Variants in NELL1 observed in about 807,000 individuals in gnomAD.
NELL1 encodes neural EGFL like 1.
NELL1 carries 76 observed loss-of-function variants against 107.4 expected under a neutral mutation model. The ratio of observed to expected loss-of-function variants is 0.71; its 90% CI spans 0.59 to 0.86. The LOEUF (loss-of-function observed/expected upper bound fraction) is 0.86, where lower values mean the gene tolerates loss of function less well. Among genes scored for constraint, NELL1 ranks in the 40% least tolerant of loss-of-function variants. The pLI is 0.00. For missense variants in NELL1, 1,024 were observed against 1,005.5 expected, an observed-to-expected ratio of 1.02 and a Z score of -0.25; for synonymous variants, 353 against 341.2, an observed-to-expected ratio of 1.03 and a Z score of -0.38.
intron 5 of NELL1, among the ~76,000 whole-genome samples, chr11:20,913,042 C>T (rs1217056823): frequency 6.6e-6 from 1 of 152,066 alleles, no homozygotes; most frequent in Non-Finnish European, 1.5e-5. Flanking sequence ...TCTTTCTTGG[C>T]GGTTTTGCAT....
intron 2 of NELL1, among the ~76,000 whole-genome samples, chr11:20,737,504 AG>A (rs1855789503): frequency 6.6e-6 from 1 of 152,104 alleles, no homozygotes; most frequent in Non-Finnish European, 1.5e-5. Context: ...ACCCTGAGTC[AG>A]TTTTTTTAAT....
chr11:21,563,320 G>A (rs1196195993), intron 17 of NELL1, among the ~76,000 whole-genome samples: 1 of 152,020 alleles, frequency 6.6e-6, no homozygotes, highest in Non-Finnish European at 1.5e-5. Flanking sequence ...AGGAAATGTA[G>A]TATTTTAGTG....
chr11:20,884,303 G>T (rs1233722539), intron 4 of NELL1, among the ~76,000 whole-genome samples: 1 of 152,188 alleles, frequency 6.6e-6, no homozygotes, highest in Non-Finnish European at 1.5e-5. Context: ...GGAATACATC[G>T]CCCTCTGGCA....
intron 2 of NELL1, among the ~76,000 whole-genome samples, chr11:20,692,437 C>T (rs1854492933): frequency 6.6e-6 from 1 of 151,598 alleles, no homozygotes; most frequent in African/African-American, 2.4e-5. Flanking sequence ...CTATAAATTT[C>T]CCTCTCCACA....
At chr11:20,674,392 A>C in intron 1 of NELL1, 1 of 916,678 alleles carries the variant, frequency 1.1e-6, no homozygotes, top group Non-Finnish European at 1.7e-6. Context: ...GAGCTGTTGA[A>C]GTGTGAATAT....
intron 15 of NELL1, among the ~76,000 whole-genome samples, chr11:21,439,557 C>A (rs1417653641): frequency 6.6e-6 from 1 of 152,122 alleles, no homozygotes; most frequent in Non-Finnish European, 1.5e-5. Context: ...ATGACTTGAT[C>A]AGCATTAAAT....
rs758545433 is a variant in NELL1, at chr11:20,774,639, GT to G, written c.185-9035del. ...CTTCATGAATAGAAGGTGTGTCTTAGTTTTTTGTCCACAGTGCTGGTTCAGG... is the reference window on the plus strand; with the variant it reads ...CTTCATGAATAGAAGGTGTGTCTTAGTTTTTGTCCACAGTGCTGGTTCAGG... On this transcript the variant is annotated intron_variant, in intron 2 of 19. Transcript: ENST00000357134. Among the ~76,000 whole-genome samples, 4 of 152,218 alleles carry G rather than the reference GT, an allele frequency of 2.6e-5. No individual in the cohort carries two copies. The East Asian group carries it at 7.8e-4, about 29-fold the overall frequency.
At position 20,896,206 on chromosome 11, in the gene NELL1, C is replaced by T. The variant is rs543902924; in HGVS notation, c.603+10666C>T. 6.6e-5 allele frequency among the ~76,000 whole-genome samples: 10 copies of T among 152,304 alleles called. No individual in the cohort carries two copies. In the East Asian group the frequency reaches 1.9e-3, roughly 29 times the overall value. ...ATACCTTTGTGCCCTCATAGCTTAG[C>T]TCCCACTTATAAGTGAGAACATACA... On this transcript the variant is annotated intron_variant, in intron 5 of 19. Transcript: ENST00000357134.
Position 20,996,565 on chromosome 11 carries a change from C to T in NELL1, c.1300+36005C>T, listed in dbSNP as rs577448905. ...TCACCCTGTGACTCTTCCCTGGTGA[C>T]CTCAGCAGCTGGATACTCAGTAAGC... On this transcript the variant is annotated intron_variant, in intron 12 of 19. Transcript: ENST00000357134. Among the ~76,000 whole-genome samples the T allele has an allele frequency of 3.3e-5, 5 of 152,300 alleles. No individual in the cohort carries two copies. The East Asian group carries it at 7.7e-4, about 24-fold the overall frequency.
chr11:20,672,040 A>T (rs568203036), intron 1 of NELL1, among the ~76,000 whole-genome samples: 2 of 152,346 alleles, frequency 1.3e-5, no homozygotes, highest in Non-Finnish European at 2.9e-5. Context: ...GTCACTTGGC[A>T]CTATTTGAAC....
intron 12 of NELL1, among the ~76,000 whole-genome samples, chr11:21,104,295 G>A (rs1478681610): frequency 6.6e-6 from 1 of 152,154 alleles, no homozygotes; most frequent in Admixed American, 6.6e-5. Context: ...CAGTTTTATG[G>A]ACACCCTCAA....
intron 2 of NELL1, among the ~76,000 whole-genome samples, chr11:20,779,887 A>T (rs570377602): frequency 6.6e-5 from 10 of 152,232 alleles, no homozygotes; most frequent in Non-Finnish European, 1.3e-4. Context: ...AAGGTACTTT[A>T]TCCAAAGTCA....
chr11:21,069,639 T>C (rs994448694), intron 12 of NELL1, among the ~76,000 whole-genome samples: 5 of 152,222 alleles, frequency 3.3e-5, no homozygotes, highest in Non-Finnish European at 7.3e-5. Flanking sequence ...TTGTGTGACA[T>C]ATATATTTAA....
intron 15 of NELL1, among the ~76,000 whole-genome samples, chr11:21,456,067 ATTT>A (rs940222608): frequency 9.3e-5 from 14 of 151,074 alleles, no homozygotes; most frequent in African/African-American, 3.4e-4. Flanking sequence ...AATTATTTGT[ATTT>A]TTTATACAGA....
intron 16 of NELL1, among the ~76,000 whole-genome samples, chr11:21,549,784 G>A (rs981955489): frequency 6.6e-6 from 1 of 151,910 alleles, no homozygotes; most frequent in Non-Finnish European, 1.5e-5. Context: ...GATTGCCAAA[G>A]GTGGACACTA....
chr11:20,716,362 A>C (rs1167678351), intron 2 of NELL1, among the ~76,000 whole-genome samples: 1 of 152,248 alleles, frequency 6.6e-6, no homozygotes, highest in Non-Finnish European at 1.5e-5. Context: ...CACAAGCACA[A>C]AGGATGCTAT....
At chr11:21,148,592 A>C (rs1791842) in intron 13 of NELL1, among the ~76,000 whole-genome samples, 61,780 of 151,970 alleles carry the variant, frequency 0.41, 13,938 homozygotes, top group African/African-American at 0.61. Context: ...ACAGCGTGGG[A>C]TCAACTTCTC....
rs569190294 is a variant in NELL1, at chr11:20,950,591, A to G, written c.1171+3156A>G. 2.0e-5 allele frequency among the ~76,000 whole-genome samples: 3 copies of G among 152,318 alleles called. No homozygotes were observed. The East Asian group carries it at 5.8e-4, about 29-fold the overall frequency. ...GCCCAGTGGACTTCTAAAGCAAATT[A>G]TTTGGTTCTTCTTGCCTCCTCCCCT... is the stretch of plus-strand genomic sequence containing the variant. On this transcript the variant is annotated intron_variant, in intron 11 of 19. Coordinates refer to ENST00000357134, the MANE Select transcript of NELL1 (RefSeq NM_006157.5).
chr11:21,416,803 G>A (rs1014656861), intron 15 of NELL1, among the ~76,000 whole-genome samples: 2 of 152,084 alleles, frequency 1.3e-5, no homozygotes, highest in Non-Finnish European at 2.9e-5. Context: ...TTCATTTGCA[G>A]TGACACATAT....
Sources: gnomAD v4.1 joint callset for allele counts (sites outside exome capture counted in the v4.1 genomes callset) on GRCh38, gnomAD v4.1.1 for gene constraint, MANE v1.5 for transcripts, NCBI Gene and HGNC (gene_info 2026-07-23, HGNC 2026-07-21) for gene names.